Variants in EFCAB11 observed in about 807,000 individuals in gnomAD.
EFCAB11 encodes the protein EF-hand calcium-binding domain-containing protein 11.
EFCAB11 carries 14 observed loss-of-function variants against 23.0 expected under a neutral mutation model. That is an observed-to-expected ratio of 0.61 (90% CI 0.40 to 0.95). The LOEUF is 0.95. EFCAB11 is among the 40% of genes least tolerant of loss of function. The pLI, the probability that EFCAB11 is intolerant of heterozygous loss-of-function variation, is 0.00. For missense variants in EFCAB11, 198 were observed against 195.8 expected (o/e 1.01, Z -0.07); for synonymous variants, 65 against 66.6 (o/e 0.98, Z 0.11).
intron 5 of EFCAB11, among the ~76,000 whole-genome samples, chr14:89,918,538 C>CAAA (rs550019506): frequency 2.0e-5 from 2 of 101,980 alleles, no homozygotes; most frequent in Non-Finnish European, 2.0e-5. Flanking sequence ...GACTCCATCT[C>CAAA]AAAAAAAAAA....
chr14:89,954,562 C>G (rs756345410), intron 1 of EFCAB11, 24 bp downstream of exon 1: 5 of 1,612,160 alleles, frequency 3.1e-6, no homozygotes, highest in South Asian at 1.1e-5. Flanking sequence ...AAGTCCGAGG[C>G]TCAGTCGCCC....
chr14:89,951,949 T>TA (rs1005981300), intron 2 of EFCAB11, among the ~76,000 whole-genome samples: 18 of 152,082 alleles, frequency 1.2e-4, no homozygotes, highest in African/African-American at 3.9e-4. Context: ...CTTAATTATG[T>TA]AAAAAACTGC....
rs377171747 is a variant in EFCAB11 at position 89,805,722 on chromosome 14, T to C, written c.411-8398A>G. On this transcript the variant is annotated intron_variant, in intron 5 of 5. Transcript: ENST00000316738. ...CCCCTATGTCAAGACTCTTAGTCAC[T>C]GACCCAATAAATTCCCTGTGTTGTT... is the stretch of plus-strand genomic sequence containing the variant. Among the ~76,000 whole-genome samples the C allele has an allele frequency of 6.6e-5, 10 of 152,278 alleles. No homozygotes were observed. The South Asian group carries it at 2.1e-3, about 32-fold the overall frequency.
intron 5 of EFCAB11, among the ~76,000 whole-genome samples, chr14:89,881,697 C>T (rs1212789611): frequency 1.3e-5 from 2 of 151,536 alleles, no homozygotes; most frequent in East Asian, 1.9e-4. Context: ...ATCTACCCAC[C>T]TTGGCCTCAC....
chr14:89,870,348 G>A (rs1036354382), intron 5 of EFCAB11, among the ~76,000 whole-genome samples: 1 of 152,118 alleles, frequency 6.6e-6, no homozygotes, highest in African/African-American at 2.4e-5. Flanking sequence ...AGGAAGGTGG[G>A]GAGATAGACC....
At chr14:89,835,703 C>G (rs771554941) in intron 5 of EFCAB11, among the ~76,000 whole-genome samples, 7 of 150,796 alleles carry the variant, frequency 4.6e-5, no homozygotes, top group Non-Finnish European at 7.4e-5. Flanking sequence ...TCTCGGTTCA[C>G]TGCAACCTCC....
At chr14:89,872,907 T>A (rs1367136369) in intron 5 of EFCAB11, among the ~76,000 whole-genome samples, 1 of 151,906 alleles carries the variant, frequency 6.6e-6, no homozygotes, top group Non-Finnish European at 1.5e-5. Context: ...AGAGAGAAGG[T>A]AGCCATCTGC....
rs61998679 is a variant in EFCAB11, at chr14:89,804,322, C to T, written c.411-6998G>A. ...GCTCCAGTCTCAGGCTGGTAATTAA[C>T]GCTTAAAAGCCTGTGCACGAATTAT... On this transcript the variant is annotated intron_variant, in intron 5 of 5. Coordinates refer to ENST00000316738, the MANE Select transcript of EFCAB11 (RefSeq NM_145231.4). Among the ~76,000 whole-genome samples the T allele has an allele frequency of 3.1e-3, 472 of 152,354 alleles. 2 individuals are homozygous for T. Among genetic ancestry groups the T allele is most frequent in the Admixed American group, 4.9e-3 (75 of 15,308 alleles).
chr14:89,890,801 C>A (rs966850653), intron 5 of EFCAB11, among the ~76,000 whole-genome samples: 1 of 152,180 alleles, frequency 6.6e-6, no homozygotes, highest in African/African-American at 2.4e-5. Context: ...ACTGGGGCTG[C>A]GGTCTGGTAG....
chr14:89,921,313 C>A (rs371065445), intron 5 of EFCAB11, among the ~76,000 whole-genome samples: 1 of 152,032 alleles, frequency 6.6e-6, no homozygotes, highest in African/African-American at 2.4e-5. Context: ...TCTATATGGC[C>A]TTGTATGTTT....
chr14:89,804,183 TGG>T (rs1386729396), intron 5 of EFCAB11, among the ~76,000 whole-genome samples: 1 of 152,232 alleles, frequency 6.6e-6, no homozygotes, highest in Non-Finnish European at 1.5e-5. Flanking sequence ...CCCCCAAACG[TGG>T]AAGCATGAAA....
intron 5 of EFCAB11, among the ~76,000 whole-genome samples, chr14:89,882,955 C>G (rs1289782084): frequency 6.6e-6 from 1 of 152,024 alleles, no homozygotes; most frequent in East Asian, 1.9e-4. Flanking sequence ...CTATTAGTTC[C>G]CACCAGAGCT....
At chr14:89,805,682 C>T (rs373260467) in intron 5 of EFCAB11, among the ~76,000 whole-genome samples, 1 of 152,146 alleles carries the variant, frequency 6.6e-6, no homozygotes, top group African/African-American at 2.4e-5. Context: ...CCTAAACAAA[C>T]CATGCCTGAA....
intron 5 of EFCAB11, among the ~76,000 whole-genome samples, chr14:89,865,001 C>A (rs1018603499): frequency 5.9e-5 from 9 of 152,154 alleles, no homozygotes; most frequent in African/African-American, 2.2e-4. Context: ...GTCCCACAAC[C>A]TTAGAGAGAA....
intron 3 of EFCAB11, among the ~76,000 whole-genome samples, chr14:89,946,202 T>C (rs1890978457): frequency 6.6e-6 from 1 of 152,074 alleles, no homozygotes; most frequent in Non-Finnish European, 1.5e-5. Context: ...GCTTGAGTCA[T>C]GGCACCTGGC....
chr14:89,917,907 C>T (rs534411155), intron 5 of EFCAB11, among the ~76,000 whole-genome samples: 8 of 152,208 alleles, frequency 5.3e-5, no homozygotes, highest in South Asian at 2.1e-4. Context: ...AATCAATGAA[C>T]GGGAAGCACT....
At chr14:89,931,939 CT>C in intron 4 of EFCAB11, among the ~76,000 whole-genome samples, 1 of 152,184 alleles carries the variant, frequency 6.6e-6, no homozygotes, top group Admixed American at 6.5e-5. Flanking sequence ...CGGTGTTAGA[CT>C]TTGAGTCTTT....
At chr14:89,877,867 CCA>C (rs967196338) in intron 5 of EFCAB11, among the ~76,000 whole-genome samples, 20 of 152,168 alleles carry the variant, frequency 1.3e-4, no homozygotes, top group African/African-American at 4.8e-4. Context: ...CTTTAATTTA[CCA>C]CTCTCAACCT....
chr14:89,837,101 T>C (rs12437206), intron 5 of EFCAB11: 333,638 of 456,040 alleles, frequency 0.73, 126,260 homozygotes, highest in Non-Finnish European at 0.83. Flanking sequence ...TTTAGACTTC[T>C]GGTCAATATG....
Sources: allele counts gnomAD v4.1 joint callset (sites outside exome capture counted in the v4.1 genomes callset), GRCh38; gene constraint gnomAD v4.1.1; transcripts MANE v1.5; gene names NCBI Gene and HGNC (gene_info 2026-07-23, HGNC 2026-07-21).